The following STT3A variants were observed in gnomAD, a reference collection of about 807,000 sequenced individuals.
The protein encoded by STT3A is STT3 oligosaccharyltransferase complex catalytic subunit A.
STT3A carries 34 observed loss-of-function variants against 89.2 expected under a neutral mutation model. The observed-to-expected ratio is 0.38, with a 90% CI of 0.29 to 0.51. STT3A has a LOEUF of 0.51. Among genes scored for constraint, STT3A ranks in the 20% least tolerant of loss-of-function variants. The pLI is 0.89. For synonymous variants in STT3A, 282 were observed against 310.3 expected, an observed-to-expected ratio of 0.91 and a Z score of 0.96; for missense variants, 555 against 889.5, an observed-to-expected ratio of 0.62 and a Z score of 4.78.
chr11:125,595,207 T>C (rs181746028), intron 1 of STT3A, among the ~76,000 whole-genome samples: 107 of 151,782 alleles, frequency 7.0e-4, no homozygotes, highest in African/African-American at 2.5e-3. Flanking sequence ...GGTCTGGCTC[T>C]ATTGTCCAGG....
intron 10 of STT3A, among the ~76,000 whole-genome samples, chr11:125,610,235 G>C (rs929641896): frequency 6.6e-6 from 1 of 151,682 alleles, no homozygotes; most frequent in Non-Finnish European, 1.5e-5. Context: ...GCTAATTTTT[G>C]TATTTTTTTT....
intron 8 of STT3A, 96 bp from the exon 9 acceptor site, chr11:125,608,013 C>G (rs1939886798): frequency 7.6e-7 from 1 of 1,309,278 alleles, no homozygotes; most frequent in Non-Finnish European, 1.0e-6. Flanking sequence ...ACTCATTTGA[C>G]CATTTGGTTT....
At chr11:125,595,468 C>T (rs1591368980) in intron 1 of STT3A, among the ~76,000 whole-genome samples, 3 of 152,234 alleles carry the variant, frequency 2.0e-5, no homozygotes, top group African/African-American at 4.8e-5. Flanking sequence ...GCTTCCCCCC[C>T]TCCGCCCCTG....
In STT3A at chr11:125,614,464, G is replaced by A. The variant is rs752870507; in HGVS notation, c.1774+38G>A. The A allele has an allele frequency of 1.9e-6, 3 of 1,569,884 alleles. No individual in the cohort carries two copies. Among genetic ancestry groups the A allele is most frequent in the Non-Finnish European group, 2.6e-6 (3 of 1,146,132 alleles). ...ATTCTGTTTCTAGCTGCAGGACATA[G>A]ATTCTAAGAAAACTAGATGAATATC... is the stretch of plus-strand genomic sequence containing the variant. On this transcript the variant is annotated intron_variant, in intron 15 of 17. Transcript: ENST00000392708. The surrounding 1 kb of genome is among the most constrained non-coding windows in gnomAD (Gnocchi z 4.9).
intron 15 of STT3A, among the ~76,000 whole-genome samples, chr11:125,615,614 A>T (rs1940156523): frequency 6.6e-6 from 1 of 152,382 alleles, no homozygotes; most frequent in Admixed American, 6.5e-5. Context: ...AAGTATATAG[A>T]CAGATGTGCA....
At chr11:125,598,441 A>G (rs1939565711) in intron 3 of STT3A, among the ~76,000 whole-genome samples, 1 of 152,160 alleles carries the variant, frequency 6.6e-6, no homozygotes, top group African/African-American at 2.4e-5. Flanking sequence ...AGTATATTCA[A>G]TCTTGTGGAG....
At chr11:125,592,201 C>A (rs1012475671), upstream of STT3A, among the ~76,000 whole-genome samples, 1 of 152,172 alleles carries the variant, frequency 6.6e-6, no homozygotes, top group Admixed American at 6.5e-5. Context: ...TAGGCCTAGG[C>A]ACGCTCTTTC....
rs577384888 is a variant in STT3A at position 125,607,581 on chromosome 11, A to C, written c.781-528A>C. Among the ~76,000 whole-genome samples, 57 of 152,348 alleles carry C rather than the reference A, an allele frequency of 3.7e-4. No homozygotes were observed. The South Asian group carries it at 0.01, about 27-fold the overall frequency. ...AATAAATGCAAATTCTAGAGCCCCA[A>C]CACAGACCTACTGAATCAGAAACTC... On this transcript the variant is annotated intron_variant, in intron 8 of 17. Transcript: ENST00000392708.
At chr11:125,593,572 C>T (rs1725341292) in intron 1 of STT3A, 1 of 152,172 alleles carries the variant, frequency 6.6e-6, no homozygotes, top group Non-Finnish European at 1.5e-5. Context: ...AGTAGAGATC[C>T]TAGCAGTCTC....
At chr11:125,612,148 T>A (rs1022418443) in intron 11 of STT3A, among the ~76,000 whole-genome samples, 2 of 152,172 alleles carry the variant, frequency 1.3e-5, no homozygotes, top group East Asian at 3.8e-4. Flanking sequence ...AGTGCTGGGA[T>A]TACAGGCGTG....
intron 5 of STT3A, chr11:125,603,386 G>A (rs1939740740): frequency 6.2e-6 from 1 of 160,154 alleles, no homozygotes; most frequent in Non-Finnish European, 1.4e-5. Flanking sequence ...GGCTTCCGTA[G>A]TAGACTCCAT....
chr11:125,594,946 A>G (rs543389), intron 1 of STT3A: 130,671 of 152,124 alleles, frequency 0.86, 56,271 homozygotes, highest in South Asian at 0.95. Context: ...TGGGATGAGA[A>G]CACAGTGGAT....
chr11:125,604,311 T>G, intron 6 of STT3A, 64 bp downstream of exon 6: 1 of 1,522,282 alleles, frequency 6.6e-7, no homozygotes, highest in Non-Finnish European at 9.1e-7. Flanking sequence ...CTTCACAAAG[T>G]GCAGTCTATG....
At position 125,613,834 on chromosome 11, in the gene STT3A, T is replaced by G; in HGVS notation, c.1555-253T>G. ...GTCTCCCACACCTCCCACCCCATTA[T>G]GTTAGTATAAAGTGACCTGGGATGA... is the stretch of plus-strand genomic sequence containing the variant. On this transcript the variant is annotated intron_variant, in intron 13 of 17. Coordinates refer to ENST00000392708, the MANE Select transcript of STT3A (RefSeq NM_152713.5). The surrounding 1 kb of genome is among the most constrained non-coding windows in gnomAD (Gnocchi z 4.2). The G allele has an allele frequency of 2.4e-6, 1 of 419,638 alleles. No individual in the cohort carries two copies. The highest frequency in any genetic ancestry group is 4.4e-6 in the Non-Finnish European group (1 of 227,468). The allele number at this position is 419,638 out of a possible 1,614,324, so 26.0% of individuals were successfully genotyped here.
At chr11:125,608,056 G>T in intron 8 of STT3A, 53 bp from the exon 9 acceptor site, 4 of 1,523,528 alleles carry the variant, frequency 2.6e-6, no homozygotes, top group Non-Finnish European at 3.5e-6. Context: ...GCCTGCACTG[G>T]ACTTACTCAT....
chr11:125,597,421 CA>C (rs58836204), intron 3 of STT3A, among the ~76,000 whole-genome samples: 38 of 128,282 alleles, frequency 3.0e-4, no homozygotes, highest in Admixed American at 2.4e-4. Flanking sequence ...CCCATCTCTA[CA>C]AAAAAAAAAA....
intron 5 of STT3A, 72 bp downstream of exon 5, chr11:125,603,020 G>T (rs1030125914): frequency 2.5e-6 from 4 of 1,569,818 alleles, no homozygotes; most frequent in South Asian, 1.2e-5. Context: ...GCTGGAGGGT[G>T]GGGGACAGAG....
At chr11:125,598,583 T>C (rs1939570157) in intron 3 of STT3A, among the ~76,000 whole-genome samples, 1 of 152,172 alleles carries the variant, frequency 6.6e-6, no homozygotes, top group Non-Finnish European at 1.5e-5. Flanking sequence ...TTTTTTCTCA[T>C]GAATGAGGAG....
At chr11:125,596,354 A>G (rs966530452) in intron 2 of STT3A, among the ~76,000 whole-genome samples, 2 of 152,152 alleles carry the variant, frequency 1.3e-5, no homozygotes, top group African/African-American at 4.8e-5. Flanking sequence ...ATTCCCAGCT[A>G]CTTGGGAGGC....
Sources: allele counts gnomAD v4.1 joint callset (sites outside exome capture counted in the v4.1 genomes callset), GRCh38; gene constraint gnomAD v4.1.1; non-coding constraint Gnocchi (gnomAD v3.1); transcripts MANE v1.5; gene names NCBI Gene and HGNC (gene_info 2026-07-23, HGNC 2026-07-21).